SKIC2: variants seen among roughly 807,000 people sequenced by gnomAD.
SKIC2 encodes the protein SKI2 subunit of superkiller complex, also known as superkiller complex protein 2.
chr6:31,959,191 GGAT>G, the SKIC2 span: 1 of 1,610,418 alleles, frequency 6.2e-7, no homozygotes, highest in Non-Finnish European at 8.5e-7. Context: ...TGTGGCTCCA[GGAT>G]GATGGAGACA....
the SKIC2 span, chr6:31,966,777 G>A: frequency 6.2e-7 from 1 of 1,614,096 alleles, no homozygotes; most frequent in Non-Finnish European, 8.5e-7. This position sits in a 1 kb window ranked among gnomAD's most constrained non-coding sequence, Gnocchi z 5.9. Context: ...TGCTGCGAGT[G>A]GATGCCCTCA....
At chr6:31,959,591 G>T in the SKIC2 span, 1 of 571,456 alleles carries the variant, frequency 1.7e-6, no homozygotes, top group South Asian at 2.3e-5. Context: ...GAAAGGGCTG[G>T]GGATATTTTT....
chr6:31,961,914 A>AT, the SKIC2 span: 1 of 1,613,050 alleles, frequency 6.2e-7, no homozygotes, highest in Non-Finnish European at 8.5e-7. Context: ...CATAGTGGGC[A>AT]TTTGAGCCAG....
the SKIC2 span, chr6:31,966,658 G>C: frequency 6.2e-7 from 1 of 1,606,172 alleles, no homozygotes; most frequent in Non-Finnish European, 8.5e-7. The surrounding 1 kb of genome is among the most constrained non-coding windows in gnomAD (Gnocchi z 5.9). Context: ...GACTGGCTGG[G>C]GTTCAGTAGG....
chr6:31,961,686 C>T, the SKIC2 span: 1 of 1,610,066 alleles, frequency 6.2e-7, no homozygotes, highest in African/African-American at 1.3e-5. Flanking sequence ...GTACTTTGGC[C>T]CCATCTTCAC....
the SKIC2 span, chr6:31,962,065 C>T: frequency 1.2e-6 from 2 of 1,611,318 alleles, no homozygotes; most frequent in Non-Finnish European, 1.7e-6. This position sits in a 1 kb window ranked among gnomAD's most constrained non-coding sequence, Gnocchi z 5.0. Flanking sequence ...GTATGAGTTC[C>T]TTTGCCAACC....
the SKIC2 span, chr6:31,962,694 C>A: frequency 6.2e-7 from 1 of 1,610,130 alleles, no homozygotes; most frequent in Non-Finnish European, 8.5e-7. The surrounding 1 kb of genome is among the most constrained non-coding windows in gnomAD (Gnocchi z 5.0). Context: ...GGGAGTCAAT[C>A]CTTGGCCTCT....
At chr6:31,960,285 A>T in the SKIC2 span, 1 of 1,613,294 alleles carries the variant, frequency 6.2e-7, no homozygotes, top group Non-Finnish European at 8.5e-7. Flanking sequence ...GTCCCATCCG[A>T]CCTACAGGCC....
At chr6:31,969,443 T>C in the SKIC2 span, 1 of 1,613,994 alleles carries the variant, frequency 6.2e-7, no homozygotes, top group Non-Finnish European at 8.5e-7. This position sits in a 1 kb window ranked among gnomAD's most constrained non-coding sequence, Gnocchi z 6.1. Flanking sequence ...GGTTTGGGAT[T>C]TTGCAGACGG....
chr6:31,962,486 G>A, the SKIC2 span: 95 of 1,613,974 alleles, frequency 5.9e-5, no homozygotes, highest in Non-Finnish European at 7.5e-5. The surrounding 1 kb of genome is among the most constrained non-coding windows in gnomAD (Gnocchi z 5.0). Flanking sequence ...CAGAAGTTCC[G>A]GGACTTCCGA....
At chr6:31,964,905 G>A in the SKIC2 span, among the ~76,000 whole-genome samples, 1 of 152,138 alleles carries the variant, frequency 6.6e-6, no homozygotes, top group Non-Finnish European at 1.5e-5. The surrounding 1 kb of genome is among the most constrained non-coding windows in gnomAD (Gnocchi z 5.0). Flanking sequence ...GGATCACAAG[G>A]TCAAGAGATC....
At chr6:31,962,357 T>C in the SKIC2 span, 3 of 1,477,314 alleles carry the variant, frequency 2.0e-6, no homozygotes, top group Non-Finnish European at 2.8e-6. The surrounding 1 kb of genome is among the most constrained non-coding windows in gnomAD (Gnocchi z 5.0). Flanking sequence ...TGGGGCATGC[T>C]TCCACGAGGG....
chr6:31,963,876 C>T, the SKIC2 span: 2 of 1,568,684 alleles, frequency 1.3e-6, no homozygotes, highest in Middle Eastern at 1.7e-4. The surrounding 1 kb of genome is among the most constrained non-coding windows in gnomAD (Gnocchi z 5.3). Flanking sequence ...TTCAGGAACT[C>T]AACCTCTGCT....
chr6:31,961,602 A>C, the SKIC2 span: 1 of 1,613,102 alleles, frequency 6.2e-7, no homozygotes, highest in Non-Finnish European at 8.5e-7. Context: ...TCTCAGGAGC[A>C]GTGGGCCATC....
the SKIC2 span, chr6:31,968,302 G>C: frequency 6.3e-7 from 1 of 1,589,366 alleles, no homozygotes; most frequent in Non-Finnish European, 8.6e-7. This position sits in a 1 kb window ranked among gnomAD's most constrained non-coding sequence, Gnocchi z 6.1. Context: ...TCTTACCCCA[G>C]ATCTTAAGAT....
chr6:31,968,630 C>T, the SKIC2 span: 2 of 1,555,976 alleles, frequency 1.3e-6, no homozygotes, highest in South Asian at 2.2e-5. This position sits in a 1 kb window ranked among gnomAD's most constrained non-coding sequence, Gnocchi z 6.1. Context: ...CAGCCCTTGT[C>T]CTCAGTGCAC....
chr6:31,964,189 T>C, the SKIC2 span: 1 of 1,609,258 alleles, frequency 6.2e-7, no homozygotes, highest in Non-Finnish European at 8.5e-7. This position sits in a 1 kb window ranked among gnomAD's most constrained non-coding sequence, Gnocchi z 5.0. Flanking sequence ...GGATAGGGTG[T>C]TCCGAGACTC....
At chr6:31,959,709 C>G in the SKIC2 span, 2 of 549,918 alleles carry the variant, frequency 3.6e-6, no homozygotes, top group African/African-American at 1.9e-5. Context: ...AGCCTCCAAC[C>G]TTTCATCCTT....
chr6:31,969,396 T>G, the SKIC2 span: 1 of 1,614,094 alleles, frequency 6.2e-7, no homozygotes, highest in Admixed American at 1.7e-5. The surrounding 1 kb of genome is among the most constrained non-coding windows in gnomAD (Gnocchi z 6.1). Flanking sequence ...TGGTTGAGGT[T>G]GTATATGAGT....
Sources: gnomAD v4.1 joint callset for allele counts (sites outside exome capture counted in the v4.1 genomes callset) on GRCh38, gnomAD v4.1.1 for gene constraint, Gnocchi (gnomAD v3.1) non-coding constraint, MANE v1.5 for transcripts, NCBI Gene and HGNC (gene_info 2026-07-23, HGNC 2026-07-21) for gene names.